Variants in MATN2 observed in about 807,000 individuals in gnomAD.
MATN2 encodes the protein matrilin-2.
In MATN2, 69 loss-of-function variants were observed where a neutral mutation model predicts 103.2. That is an observed-to-expected ratio of 0.67 (90% confidence interval 0.55 to 0.82). The LOEUF (loss-of-function observed/expected upper bound fraction) is 0.82, where lower values mean the gene tolerates loss of function less well. MATN2 is among the 40% of genes least tolerant of loss of function. The pLI, the probability that MATN2 is intolerant of heterozygous loss-of-function variation, is 0.00. For synonymous variants in MATN2, 429 were observed against 450.2 expected (o/e 0.95, Z 0.60); for missense variants, 1,023 against 1,211.5 (o/e 0.84, Z 2.31).
At chr8:97,901,167 AT>A (rs774621458) in intron 2 of MATN2, among the ~76,000 whole-genome samples, 1 of 152,104 alleles carries the variant, frequency 6.6e-6, no homozygotes, top group Non-Finnish European at 1.5e-5. Flanking sequence ...TTAAAGCTGA[AT>A]TTGTCTCCAA....
At chr8:98,020,326 T>C (rs1386200876) in intron 12 of MATN2, among the ~76,000 whole-genome samples, 1 of 152,064 alleles carries the variant, frequency 6.6e-6, no homozygotes, top group African/African-American at 2.4e-5. Context: ...TTGTATTTTT[T>C]GTAGAGACAT....
At position 98,007,523 on chromosome 8, in the gene MATN2, TG is replaced by T; in HGVS notation, c.1496del (p.Cys499LeufsTer43). ...GAGTGACCATGGTTGTGAATACTCC[TG>T]TGTCAACATGGACAGATCCTTTGCC... ...LLSDHGCEYS[C>X]VNMDRSFACQ... On this transcript the variant is annotated frameshift_variant, in exon 10 of 19. Transcript: ENST00000254898. LOFTEE classifies it high-confidence loss of function. The surrounding 1 kb of genome is among the most constrained non-coding windows in gnomAD (Gnocchi z 4.2). 1 of 1,613,634 alleles carries T rather than the reference TG, an allele frequency of 6.2e-7. No individual in the cohort carries two copies. Among genetic ancestry groups the T allele is most frequent in the Non-Finnish European group, 8.5e-7 (1 of 1,179,552 alleles).
At chr8:98,027,911 G>A (rs1813871517) in intron 14 of MATN2, 82 bp downstream of exon 14, 4 of 1,415,656 alleles carry the variant, frequency 2.8e-6, no homozygotes, top group Non-Finnish European at 3.8e-6. Context: ...CTGGCCATAA[G>A]GGTAAGCTTC....
chr8:98,030,491 A>G lies in MATN2; in HGVS notation c.2386A>G (p.Lys796Glu). ...CACTATGTATGCTGTTGGGGTAGGA[A>G]AAGCCATTGAGGAGGAACTACAAGA... ...GITMYAVGVG[K>E]AIEEELQEIA... Residue 796 changes from lysine to glutamate, a missense_variant, in exon 15 of 19, where the codon AAA becomes GAA. Lys to Glu is a moderately conservative substitution (Grantham distance 56). Coordinates refer to ENST00000254898, the MANE Select transcript of MATN2 (RefSeq NM_002380.5). 6.2e-7 allele frequency: 1 copy of G among 1,613,866 alleles called. No individual in the cohort carries two copies. The highest frequency in any genetic ancestry group is 8.5e-7 in the Non-Finnish European group (1 of 1,179,834).
At chr8:97,985,961 A>C (rs1812178585) in intron 6 of MATN2, among the ~76,000 whole-genome samples, 1 of 152,218 alleles carries the variant, frequency 6.6e-6, no homozygotes, top group African/African-American at 2.4e-5. Flanking sequence ...GAGATCATGC[A>C]GTATAATAAT....
intron 6 of MATN2, among the ~76,000 whole-genome samples, chr8:97,989,850 G>A (rs2513851): frequency 0.95 from 144,104 of 152,288 alleles, 68,231 homozygotes; most frequent in African/African-American, 0.99. Context: ...TTAGTTTTAT[G>A]TACTTACAAT....
intron 4 of MATN2, among the ~76,000 whole-genome samples, chr8:97,946,337 G>C (rs1393164607): frequency 6.6e-6 from 1 of 152,088 alleles, no homozygotes; most frequent in Non-Finnish European, 1.5e-5. Context: ...TCCAAGTTGT[G>C]TCTATATGGG....
intron 2 of MATN2, among the ~76,000 whole-genome samples, chr8:97,896,917 C>T (rs1818829630): frequency 6.7e-6 from 1 of 150,040 alleles, no homozygotes; most frequent in South Asian, 2.1e-4. Context: ...GGCAACACGA[C>T]AGGGCTGGGC....
At position 97,982,042 on chromosome 8, in the gene MATN2, C is replaced by T. The variant is rs1270120327; in HGVS notation, c.1081+3034C>T. Among the ~76,000 whole-genome samples the T allele has an allele frequency of 6.6e-6, 1 of 152,220 alleles. No individual in the cohort carries two copies. Among genetic ancestry groups the T allele is most frequent in the Admixed American group, 6.5e-5 (1 of 15,274 alleles). ...GAAGTGGGCCGCCCCAATGCGTGTGCAGGGAAGAGTGCTGGGAGACTGGAG... is the reference window on the plus strand; with the variant it reads ...GAAGTGGGCCGCCCCAATGCGTGTGTAGGGAAGAGTGCTGGGAGACTGGAG... On this transcript the variant is annotated intron_variant, in intron 6 of 18. Coordinates refer to ENST00000254898, the MANE Select transcript of MATN2 (RefSeq NM_002380.5). This position sits in a 1 kb window ranked among gnomAD's most constrained non-coding sequence, Gnocchi z 4.3.
chr8:97,968,522 T>G (rs967788353), intron 5 of MATN2, among the ~76,000 whole-genome samples: 2 of 152,244 alleles, frequency 1.3e-5, no homozygotes, highest in African/African-American at 2.4e-5. Context: ...CTTTGCTGTT[T>G]AGAAATTTTT....
intron 2 of MATN2, among the ~76,000 whole-genome samples, chr8:97,922,412 T>G (rs916083731): frequency 6.6e-6 from 1 of 152,222 alleles, no homozygotes; most frequent in African/African-American, 2.4e-5. Context: ...TATTTCTCAC[T>G]GAAAAAGAAT....
At chr8:97,911,505 G>A (rs1449956144) in intron 2 of MATN2, among the ~76,000 whole-genome samples, 5 of 151,778 alleles carry the variant, frequency 3.3e-5, no homozygotes, top group Non-Finnish European at 5.9e-5. Flanking sequence ...TCAAGATATC[G>A]AGACCATCCT....
chr8:98,004,800 G>C (rs745491425), intron 8 of MATN2, among the ~76,000 whole-genome samples: 34 of 152,244 alleles, frequency 2.2e-4, no homozygotes, highest in Non-Finnish European at 4.3e-4. Flanking sequence ...CCACAACAAA[G>C]CTCCACTGGG....
chr8:97,937,730 C>T (rs1810425177), intron 3 of MATN2, among the ~76,000 whole-genome samples: 1 of 151,702 alleles, frequency 6.6e-6, no homozygotes, highest in Non-Finnish European at 1.5e-5. Flanking sequence ...CTGAGCCCAC[C>T]ACCATGCCTA....
At chr8:97,952,782 G>A (rs1810999740) in intron 4 of MATN2, among the ~76,000 whole-genome samples, 1 of 152,018 alleles carries the variant, frequency 6.6e-6, no homozygotes, top group South Asian at 2.1e-4. Flanking sequence ...CTCAAATTTG[G>A]CCAGGTCTTT....
chr8:97,920,277 G>C (rs1377780751), intron 2 of MATN2, among the ~76,000 whole-genome samples: 1 of 152,116 alleles, frequency 6.6e-6, no homozygotes, highest in African/African-American at 2.4e-5. Flanking sequence ...GCGTGATCTC[G>C]ACTCACTGCA....
At chr8:97,935,237 C>G (rs987751) in intron 3 of MATN2, among the ~76,000 whole-genome samples, 59,651 of 151,966 alleles carry the variant, frequency 0.39, 11,725 homozygotes, top group African/African-American at 0.42. Context: ...CTATTTTACA[C>G]AACTGGAAAT....
chr8:98,007,680 G>A lies in MATN2; in HGVS notation c.1573+79G>A. ...GTGGGTGCGCTGCCGACGTGTATATGTGCCTGTGTGTCCTGTCTCCAGGCT... is the reference window on the plus strand; with the variant it reads ...GTGGGTGCGCTGCCGACGTGTATATATGCCTGTGTGTCCTGTCTCCAGGCT... On this transcript the variant is annotated intron_variant, in intron 10 of 18. Transcript: ENST00000254898. The surrounding 1 kb of genome is among the most constrained non-coding windows in gnomAD (Gnocchi z 4.2). The A allele has an allele frequency of 6.6e-7, 1 of 1,506,504 alleles. No homozygotes were observed. Among genetic ancestry groups the A allele is most frequent in the African/African-American group, 1.4e-5 (1 of 73,210 alleles). 93.3% of individuals were successfully genotyped at this position (1,506,504 alleles called of 1,614,324 possible).
At position 97,941,904 on chromosome 8, in the gene MATN2, G is replaced by A; in HGVS notation, c.835+5G>A. On this transcript the variant is annotated splice_donor_5th_base_variant and intron_variant, in intron 4 of 18. Coordinates refer to ENST00000254898, the MANE Select transcript of MATN2 (RefSeq NM_002380.5). ...CGGATCAGACGACTTGCAGAAGTAA[G>A]ATTGCTTTGCTGATGTATTTGTGGT... The A allele has an allele frequency of 6.2e-7, 1 of 1,612,472 alleles. No homozygotes were observed. The highest frequency in any genetic ancestry group is 8.5e-7 in the Non-Finnish European group (1 of 1,178,920).
Sources: gnomAD v4.1 joint callset for allele counts (sites outside exome capture counted in the v4.1 genomes callset) on GRCh38, gnomAD v4.1.1 for gene constraint, Gnocchi (gnomAD v3.1) non-coding constraint, MANE v1.5 for transcripts, NCBI Gene and HGNC (gene_info 2026-07-23, HGNC 2026-07-21) for gene names.